The following QSOX2 variants were observed in gnomAD, a reference collection of about 807,000 sequenced individuals.
The protein encoded by QSOX2 is quiescin sulfhydryl oxidase 2, also known as sulfhydryl oxidase 2.
A neutral mutation model predicts 61.7 loss-of-function variants in QSOX2; 46 were observed. The observed-to-expected ratio is 0.75, with a 90% CI of 0.59 to 0.95. The LOEUF (loss-of-function observed/expected upper bound fraction) is 0.95, where lower values mean the gene tolerates loss of function less well. Ranked by LOEUF, QSOX2 falls within the 40% of genes least tolerant of loss-of-function variation. QSOX2 has a pLI of 0.00. For synonymous variants in QSOX2, 383 were observed against 388.4 expected, an observed-to-expected ratio of 0.99 and a Z score of 0.16; for missense variants, 879 against 918.9, an observed-to-expected ratio of 0.96 and a Z score of 0.56.
rs770605546 is a variant in QSOX2 at position 136,207,361 on chromosome 9, T to TCATACA, written c.*1361_*1366dup. The TCATACA allele has an allele frequency of 1.5e-5, 1 of 68,950 alleles. No homozygotes were observed. Among genetic ancestry groups the TCATACA allele is most frequent in the African/African-American group, 7.3e-5 (1 of 13,618 alleles). 4.3% of individuals were successfully genotyped at this position (68,950 alleles called of 1,614,324 possible). On this transcript the variant is annotated 3_prime_UTR_variant, in exon 12 of 12. Coordinates refer to ENST00000358701, the MANE Select transcript of QSOX2 (RefSeq NM_181701.4). ...ACAACCGTCAAAGTCTCTCTCTCTC[T>TCATACA]CATACACACACACACACACACACAC...
In QSOX2 at chr9:136,221,917, C is replaced by T. The variant is rs1353302519; in HGVS notation, c.700G>A (p.Glu234Lys). The T allele has an allele frequency of 6.2e-7, 1 of 1,608,222 alleles. No individual in the cohort carries two copies. Among genetic ancestry groups the T allele is most frequent in the Non-Finnish European group, 8.5e-7 (1 of 1,177,260 alleles). ...AGTGCTCGGGTCACCACGATGCTTT[C>T]ATACGGGATCAGGTCTAAGATCACC... ...REVILDLIPY[E>K]SIVVTRALDG... Residue 234 changes from glutamate (E) to lysine (K), a missense_variant, in exon 6 of 12, where the codon GAA becomes AAA. By Grantham distance (56) the Glu-to-Lys change is moderately conservative (BLOSUM62 1). Coordinates refer to ENST00000358701, the MANE Select transcript of QSOX2 (RefSeq NM_181701.4). The surrounding 1 kb of genome is among the most constrained non-coding windows in gnomAD (Gnocchi z 4.5).
chr9:136,213,247 T>G (rs1170653085), intron 10 of QSOX2, among the ~76,000 whole-genome samples: 5 of 105,604 alleles, frequency 4.7e-5, no homozygotes, highest in South Asian at 3.2e-4. Flanking sequence ...TGTTGTGTTT[T>G]TTTTTTTTTT....
chr9:136,215,613 T>C (rs775624559), intron 9 of QSOX2, among the ~76,000 whole-genome samples: 3 of 152,256 alleles, frequency 2.0e-5, no homozygotes, highest in Non-Finnish European at 4.4e-5. Flanking sequence ...TTCTTTTAAA[T>C]TAGAATTAGT....
rs112594282 is a variant in QSOX2 at position 136,222,982 on chromosome 9, C to T, written c.675+781G>A. The stretch of plus-strand genomic sequence containing the variant: ...ACCATCAAACCTGGAGGGGGCGGTG[C>T]TGGGGTGCCAGGAGGGCAGCCAGGG... On this transcript the variant is annotated intron_variant, in intron 5 of 11. Transcript: ENST00000358701. The surrounding 1 kb of genome is among the most constrained non-coding windows in gnomAD (Gnocchi z 6.9). 1.3e-4 allele frequency among the ~76,000 whole-genome samples: 20 copies of T among 152,336 alleles called. No individual in the cohort carries two copies. The highest frequency in any genetic ancestry group is 4.8e-4 in the African/African-American group (20 of 41,574).
chr9:136,244,810 C>G (rs1588643564), intron 1 of QSOX2, among the ~76,000 whole-genome samples: 3 of 152,208 alleles, frequency 2.0e-5, no homozygotes, highest in Non-Finnish European at 2.9e-5. Flanking sequence ...CATCTGTGAT[C>G]AAGGAGCCCA....
At chr9:136,231,695 C>G (rs968123443) in intron 1 of QSOX2, among the ~76,000 whole-genome samples, 5 of 152,268 alleles carry the variant, frequency 3.3e-5, no homozygotes, top group African/African-American at 1.2e-4. Flanking sequence ...CTACCATGGC[C>G]TCCGTGCAGT....
chr9:136,218,983 T>C, intron 7 of QSOX2, 47 bp downstream of exon 7: 1 of 1,607,474 alleles, frequency 6.2e-7, no homozygotes, highest in Non-Finnish European at 8.5e-7. Context: ...CAGCCTTCGG[T>C]CTACACGCAC....
rs761945323 is a variant in QSOX2 at position 136,209,065 on chromosome 9, C to T, written c.1760G>A (p.Gly587Asp). 1.2e-6 allele frequency: 2 copies of T among 1,614,044 alleles called. No homozygotes were observed. Among genetic ancestry groups the T allele is most frequent in the Admixed American group, 1.7e-5 (1 of 60,002 alleles). The change falls in exon 12 of 12, where the codon GGT becomes GAT. Residue 587 changes from glycine to aspartate, a missense_variant. By Grantham distance (94) the Gly-to-Asp change is moderately conservative. Coordinates refer to ENST00000358701, the MANE Select transcript of QSOX2 (RefSeq NM_181701.4). The surrounding 1 kb of genome is among the most constrained non-coding windows in gnomAD (Gnocchi z 5.6). ...DSSEGGTLAR[G>D]EEEEKRLTPP... ...AGTGAGTCTTTTCTCCTCTTCCTCA[C>T]CCCTGGCCAGGGTTCCTCCTTCACT...
intron 1 of QSOX2, among the ~76,000 whole-genome samples, chr9:136,229,079 T>G (rs1018581795): frequency 1.6e-4 from 24 of 152,212 alleles, no homozygotes; most frequent in African/African-American, 5.8e-4. Flanking sequence ...CTTTTCTCCC[T>G]GTAATTTAAA....
chr9:136,216,565 G>A (rs559847340), intron 9 of QSOX2, 35 bp downstream of exon 9: 4 of 1,609,258 alleles, frequency 2.5e-6, no homozygotes, highest in East Asian at 4.5e-5. Flanking sequence ...AGGGAAGGAG[G>A]GTGCAGCGTG....
chr9:136,236,163 C>T (rs955257722), intron 1 of QSOX2, among the ~76,000 whole-genome samples: 19 of 152,294 alleles, frequency 1.2e-4, no homozygotes, highest in African/African-American at 3.8e-4. Flanking sequence ...ATCGTCACAA[C>T]GCTCCTGACC....
Position 136,216,602 on chromosome 9 carries a change from G to C in QSOX2, c.1207C>G (p.Arg403Gly). ...CTGGCGAGGGTTCTGGGGCTCACCC[G>C]CATCTTGTTGTTGACCAGGTCAAGC... The part of the protein sequence containing the change: ...AVLDLVNNKM[R>G]ISGIFLTNHI... Residue 403 changes from arginine (R) to glycine (G), a missense_variant and splice_region_variant, in exon 9 of 12, where the codon CGG becomes GGG. Transcript: ENST00000358701. 1 of 1,613,524 alleles carries C rather than the reference G, an allele frequency of 6.2e-7. No homozygotes were observed. The highest frequency in any genetic ancestry group is 8.5e-7 in the Non-Finnish European group (1 of 1,179,730).
chr9:136,229,676 GTTTGCCAGGATTTGGT>G (rs1830313000), intron 1 of QSOX2, among the ~76,000 whole-genome samples: 1 of 152,166 alleles, frequency 6.6e-6, no homozygotes, highest in Non-Finnish European at 1.5e-5. Flanking sequence ...GTTCCAAGAT[GTTTGCCAGGATTTGGT>G]TTTCACGGTG....
rs940316831 is a variant in QSOX2, at chr9:136,216,804, G to A, written c.1087-82C>T. On this transcript the variant is annotated intron_variant, in intron 8 of 11. Transcript: ENST00000358701. ...CCGCGGGGGGCACCGCACCTCCAAA[G>A]AGAAGCACTCCATCCGCAGAGGGGC... The A allele has an allele frequency of 1.2e-4, 188 of 1,539,964 alleles. No individual in the cohort carries two copies. In the Middle Eastern group the frequency reaches 1.2e-3, roughly 10 times the overall value.
chr9:136,221,754 T>C lies in QSOX2; in HGVS notation c.821+42A>G, dbSNP rs768141943. On this transcript the variant is annotated intron_variant, in intron 6 of 11. Transcript: ENST00000358701. The surrounding 1 kb of genome is among the most constrained non-coding windows in gnomAD (Gnocchi z 4.5). ...CTACTCGGAGCCTCTGTCCGGTAAC[T>C]CCGAGCGGCACGGAGTTCCCAGACC... 32 of 1,550,218 alleles carry C rather than the reference T, an allele frequency of 2.1e-5. 1 individual carries two copies. The highest frequency in any genetic ancestry group is 3.7e-5 in the South Asian group (3 of 81,398).
chr9:136,235,876 A>G (rs555287588), intron 1 of QSOX2, among the ~76,000 whole-genome samples: 186 of 152,290 alleles, frequency 1.2e-3, no homozygotes, highest in African/African-American at 4.0e-3. Context: ...ACCTGCAGGC[A>G]CTTCCTCTAT....
At chr9:136,227,376 T>C (rs1830292149) in intron 1 of QSOX2, among the ~76,000 whole-genome samples, 1 of 152,184 alleles carries the variant, frequency 6.6e-6, no homozygotes, top group Non-Finnish European at 1.5e-5. Flanking sequence ...TGAAGTGGTT[T>C]CCAACACCAT....
intron 1 of QSOX2, among the ~76,000 whole-genome samples, chr9:136,244,455 G>C (rs1227435684): frequency 6.6e-6 from 1 of 152,206 alleles, no homozygotes; most frequent in African/African-American, 2.4e-5. Flanking sequence ...TGTTTGCGAT[G>C]AGAAAAATAC....
Position 136,213,099 on chromosome 9 carries a change from C to T in QSOX2, c.1361-1647G>A, listed in dbSNP as rs549640170. 3.3e-5 allele frequency among the ~76,000 whole-genome samples: 5 copies of T among 152,282 alleles called. No individual in the cohort carries two copies. The South Asian group carries it at 6.2e-4, about 19-fold the overall frequency. ...TGTACCCACACTGCCTTCAAGGAGC[C>T]GTTCCTCATGCCTGCGTGTGCCCGT... On this transcript the variant is annotated intron_variant, in intron 10 of 11. Coordinates refer to ENST00000358701, the MANE Select transcript of QSOX2 (RefSeq NM_181701.4).
Sources: gnomAD v4.1 joint callset for allele counts (sites outside exome capture counted in the v4.1 genomes callset) on GRCh38, gnomAD v4.1.1 for gene constraint, Gnocchi (gnomAD v3.1) non-coding constraint, MANE v1.5 for transcripts, NCBI Gene and HGNC (gene_info 2026-07-23, HGNC 2026-07-21) for gene names.